CDH10: variants seen among roughly 807,000 people sequenced by gnomAD.
CDH10 encodes the protein cadherin-10.
A neutral mutation model predicts 73.1 loss-of-function variants in CDH10; 30 were observed. That is an observed-to-expected ratio of 0.41 (90% confidence interval 0.31 to 0.56). The LOEUF (loss-of-function observed/expected upper bound fraction) is 0.56, where lower values mean the gene tolerates loss of function less well. CDH10 is among the 20% of genes least tolerant of loss of function. The probability of loss-of-function intolerance (pLI) is 0.27; values close to 1 mark genes in which losing one functional copy is unlikely to be tolerated. For synonymous variants in CDH10, 345 were observed against 348.2 expected, an observed-to-expected ratio of 0.99 and a Z score of 0.10; for missense variants, 815 against 973.7, an observed-to-expected ratio of 0.84 and a Z score of 2.17.
chr5:24,521,190 A>C (rs1743316983), intron 5 of CDH10, among the ~76,000 whole-genome samples: 1 of 152,204 alleles, frequency 6.6e-6, no homozygotes, highest in Non-Finnish European at 1.5e-5. Context: ...CAAAACGGCT[A>C]ATGTTGGAGT....
chr5:24,509,434 T>C, intron 7 of CDH10, 132 bp downstream of exon 7: 1 of 681,118 alleles, frequency 1.5e-6, no homozygotes, highest in Non-Finnish European at 2.5e-6. Flanking sequence ...AGAGACAGGG[T>C]TTCACCATGT....
chr5:24,585,115 G>A (rs1257324468), intron 2 of CDH10, among the ~76,000 whole-genome samples: 1 of 152,120 alleles, frequency 6.6e-6, no homozygotes, highest in Non-Finnish European at 1.5e-5. Flanking sequence ...CAAAGTGCTG[G>A]GATTGCAGGC....
At chr5:24,526,560 A>G (rs546000527) in intron 5 of CDH10, among the ~76,000 whole-genome samples, 1 of 151,886 alleles carries the variant, frequency 6.6e-6, no homozygotes, top group South Asian at 2.1e-4. Flanking sequence ...CTCTTCAACT[A>G]AACACTTCCG....
intron 2 of CDH10, among the ~76,000 whole-genome samples, chr5:24,572,880 A>C (rs572386493): frequency 1.8e-4 from 26 of 146,310 alleles, no homozygotes; most frequent in Non-Finnish European, 1.5e-4. Flanking sequence ...GAAAAGCTTT[A>C]CTTTATTCAG....
intron 2 of CDH10, among the ~76,000 whole-genome samples, chr5:24,572,935 G>GAAAAAAA (rs55946839): frequency 0.022 from 1,555 of 71,962 alleles, 6 homozygotes; most frequent in Middle Eastern, 0.054. Context: ...CTTAGAAAAA[G>GAAAAAAA]AAAAAAAAAA....
At chr5:24,581,062 T>A (rs575062534) in intron 2 of CDH10, among the ~76,000 whole-genome samples, 6 of 152,232 alleles carry the variant, frequency 3.9e-5, no homozygotes, top group African/African-American at 1.2e-4. Context: ...ACATTTGAAG[T>A]GACATGCTCA....
rs746701849 is a variant in CDH10, at chr5:24,487,968, G to T, written c.2062C>A (p.Arg688=). 1.1e-5 allele frequency: 18 copies of T among 1,613,568 alleles called. 1 individual carries two copies. In the South Asian group the frequency reaches 2.0e-4, roughly 18 times the overall value. ...AATAACGTTTCTGGAATAATATCTC[G>T]CCGGAGCTTTTTTTCCTCAATGGCT... The part of the protein sequence containing the change: ...PAAIEEKKLR[R]DIIPETLFIP... Residue 688 remains arginine (R), a synonymous_variant, in exon 12 of 12, where the codon CGA becomes AGA. Transcript: ENST00000264463.
intron 6 of CDH10, among the ~76,000 whole-genome samples, chr5:24,510,141 CG>C (rs1433553736): frequency 3.3e-5 from 5 of 151,952 alleles, no homozygotes; most frequent in Non-Finnish European, 7.4e-5. Flanking sequence ...CATGTGTTTG[CG>C]TGTGAATGTG....
intron 2 of CDH10, among the ~76,000 whole-genome samples, chr5:24,581,765 T>C (rs1029261708): frequency 1.3e-5 from 2 of 152,188 alleles, no homozygotes; most frequent in East Asian, 3.9e-4. Context: ...TTGAACTGTT[T>C]ACTAAATTCT....
At chr5:24,535,399 GT>G in intron 4 of CDH10, 120 bp from the exon 5 acceptor site, 1 of 895,782 alleles carries the variant, frequency 1.1e-6, no homozygotes, top group Non-Finnish European at 1.7e-6. Context: ...TTTGATACTC[GT>G]TTTTATTGTC....
chr5:24,519,224 T>A (rs1281074602), intron 5 of CDH10, among the ~76,000 whole-genome samples: 1 of 152,112 alleles, frequency 6.6e-6, no homozygotes, highest in African/African-American at 2.4e-5. Context: ...ATTCTCAGTC[T>A]GCATCTTTTT....
In CDH10 at chr5:24,509,460, C is replaced by T. The variant is rs931764081; in HGVS notation, c.1256+106G>A. On this transcript the variant is annotated intron_variant, in intron 7 of 11. Coordinates refer to ENST00000264463, the MANE Select transcript of CDH10 (RefSeq NM_006727.5). Reference sequence around the variant, plus strand: ...TTCACCATGTTGGCCAGGCTGGTCTCGAACTCCTGACCTCGTGATCCACCC... The same window carrying T: ...TTCACCATGTTGGCCAGGCTGGTCTTGAACTCCTGACCTCGTGATCCACCC... The T allele has an allele frequency of 3.9e-5, 36 of 934,636 alleles. No homozygotes were observed. In the Admixed American group the frequency reaches 7.1e-4, roughly 18 times the overall value. The allele number at this position is 934,636 out of a possible 1,614,324, so 57.9% of individuals were successfully genotyped here. A position where few individuals can be genotyped will look rare whatever the true frequency, so the allele number is the denominator to read the frequency against.
chr5:24,559,492 T>C (rs1230212790), intron 2 of CDH10, among the ~76,000 whole-genome samples: 2 of 152,072 alleles, frequency 1.3e-5, no homozygotes, highest in East Asian at 1.9e-4. Context: ...AACATTTCAC[T>C]ATTGAACTGA....
At chr5:24,581,755 T>G (rs6892754) in intron 2 of CDH10, among the ~76,000 whole-genome samples, 35,969 of 152,082 alleles carry the variant, frequency 0.24, 4,499 homozygotes, top group African/African-American at 0.3. Context: ...TAACCGAAAC[T>G]TGAACTGTTT....
chr5:24,585,928 C>A (rs983408886), intron 2 of CDH10, among the ~76,000 whole-genome samples: 24 of 152,174 alleles, frequency 1.6e-4, no homozygotes, highest in Non-Finnish European at 3.5e-4. Flanking sequence ...AGATTTGGTG[C>A]TAAGCCTATG....
chr5:24,500,737 G>A (rs894948935), intron 8 of CDH10, among the ~76,000 whole-genome samples: 4 of 152,108 alleles, frequency 2.6e-5, no homozygotes, highest in East Asian at 1.9e-4. Context: ...CTCAATATGC[G>A]TTGACTATAA....
At chr5:24,566,546 A>G (rs554028596) in intron 2 of CDH10, among the ~76,000 whole-genome samples, 1 of 152,172 alleles carries the variant, frequency 6.6e-6, no homozygotes, top group Admixed American at 6.5e-5. Flanking sequence ...TCATAATTAG[A>G]CCCCAAAGTA....
intron 2 of CDH10, among the ~76,000 whole-genome samples, chr5:24,569,156 A>C (rs1745274544): frequency 6.6e-6 from 1 of 152,098 alleles, no homozygotes; most frequent in Admixed American, 6.6e-5. Context: ...AAAGTGAATA[A>C]ATCTTGAAAA....
intron 1 of CDH10, among the ~76,000 whole-genome samples, chr5:24,624,472 G>A (rs1561202074): frequency 1.3e-5 from 2 of 152,114 alleles, no homozygotes; most frequent in Admixed American, 1.3e-4. Context: ...TAATGATGAG[G>A]TGACACACTG....
Sources: gnomAD v4.1 joint callset for allele counts (sites outside exome capture counted in the v4.1 genomes callset) on GRCh38, gnomAD v4.1.1 for gene constraint, MANE v1.5 for transcripts, NCBI Gene and HGNC (gene_info 2026-07-23, HGNC 2026-07-21) for gene names.